MAML3: variants seen among roughly 807,000 people sequenced by gnomAD.
MAML3 encodes mastermind-like protein 3.
A neutral mutation model predicts 101.9 loss-of-function variants in MAML3; 27 were observed. The observed-to-expected ratio is 0.27, with a 90% CI of 0.20 to 0.37. MAML3 has a LOEUF of 0.37. Among genes scored for constraint, MAML3 ranks in the 10% least tolerant of loss-of-function variants. The pLI is 1.00. For synonymous variants in MAML3, 501 were observed against 555.9 expected (o/e 0.90, Z 1.39); for missense variants, 1,316 against 1,444.9 (o/e 0.91, Z 1.45).
chr4:140,132,079 C>A (rs894915289), intron 1 of MAML3, among the ~76,000 whole-genome samples: 1 of 152,228 alleles, frequency 6.6e-6, no homozygotes, highest in Non-Finnish European at 1.5e-5. Flanking sequence ...GGAGCCTACA[C>A]CCATGCAATC....
At position 140,036,190 on chromosome 4, in the gene MAML3, T is replaced by C. The variant is rs1383802937; in HGVS notation, c.468+116670A>G. Among the ~76,000 whole-genome samples the C allele has an allele frequency of 2.6e-5, 4 of 152,186 alleles. No individual in the cohort carries two copies. In the East Asian group the frequency reaches 7.7e-4, roughly 29 times the overall value. Reference sequence around the variant, plus strand: ...ACAAGTGTGTGTGATTTCTAATACATGTGAGGCCCATTCTGACGCAGTATG... The same window carrying C: ...ACAAGTGTGTGTGATTTCTAATACACGTGAGGCCCATTCTGACGCAGTATG... On this transcript the variant is annotated intron_variant, in intron 1 of 4. Coordinates refer to ENST00000509479, the MANE Select transcript of MAML3 (RefSeq NM_018717.5).
intron 2 of MAML3, among the ~76,000 whole-genome samples, chr4:139,835,706 T>C (rs1731244878): frequency 6.6e-6 from 1 of 152,192 alleles, no homozygotes; most frequent in African/African-American, 2.4e-5. Flanking sequence ...GGTGAGGTCT[T>C]TGACTTGAGA....
At chr4:140,143,462 G>A (rs1729007836) in intron 1 of MAML3, among the ~76,000 whole-genome samples, 1 of 152,124 alleles carries the variant, frequency 6.6e-6, no homozygotes, top group Admixed American at 6.6e-5. Flanking sequence ...GACTCTGTGA[G>A]GTGAAAAGAA....
intron 1 of MAML3, among the ~76,000 whole-genome samples, chr4:140,104,370 ATATATAATATATATATATTATATAT>A (rs1168415888): frequency 6.2e-4 from 14 of 22,558 alleles, no homozygotes; most frequent in Admixed American, 3.9e-3. Flanking sequence ...TTTTATATAT[ATATATAATATATATATATTATATAT>A]TATATAATAT....
At chr4:139,827,573 T>C (rs1731084045) in intron 2 of MAML3, among the ~76,000 whole-genome samples, 2 of 152,334 alleles carry the variant, frequency 1.3e-5, no homozygotes, top group South Asian at 4.1e-4. Context: ...AGAAGAAATA[T>C]GCCCAGAGTC....
chr4:139,720,284 G>A lies in MAML3; in HGVS notation c.2456C>T (p.Ala819Val). ...QDIAAVRSQA[A>V]LQSMRTSRLM... ...CCGTGACGTTCGCATGCTCTGGAGG[G>A]CTGCTTGGCTTCTTACGGCTGCTAT... is the stretch of plus-strand genomic sequence containing the variant. Residue 819 changes from alanine to valine, a missense_variant, in exon 5 of 5, where the codon GCC (alanine) becomes GTC (valine). By Grantham distance (64) the Ala-to-Val change is moderately conservative (BLOSUM62 0). Coordinates refer to ENST00000509479, the MANE Select transcript of MAML3 (RefSeq NM_018717.5). 1.3e-6 allele frequency: 2 copies of A among 1,564,338 alleles called. No homozygotes were observed. The highest frequency in any genetic ancestry group is 1.7e-6 in the Non-Finnish European group (2 of 1,152,760).
intron 1 of MAML3, among the ~76,000 whole-genome samples, chr4:140,085,460 T>C (rs1221184978): frequency 1.3e-5 from 2 of 152,132 alleles, no homozygotes; most frequent in African/African-American, 4.8e-5. Context: ...TGTGCACATG[T>C]ACAGAAGCTA....
intron 2 of MAML3, among the ~76,000 whole-genome samples, chr4:139,819,116 C>T (rs1359222249): frequency 6.6e-6 from 1 of 152,054 alleles, no homozygotes; most frequent in Admixed American, 6.5e-5. Context: ...AGGTATAAAA[C>T]CTACAGGTAT....
At position 140,008,352 on chromosome 4, in the gene MAML3, A is replaced by T. The variant is rs190393833; in HGVS notation, c.469-117385T>A. Reference sequence around the variant, plus strand: ...AGAAGAGCGAAACTCAGTCTCAATTAAAAAAAAAAAGAATCTTTAAAAGTG... The same window carrying T: ...AGAAGAGCGAAACTCAGTCTCAATTTAAAAAAAAAAGAATCTTTAAAAGTG... On this transcript the variant is annotated intron_variant, in intron 1 of 4. Coordinates refer to ENST00000509479, the MANE Select transcript of MAML3 (RefSeq NM_018717.5). 3.0e-3 allele frequency among the ~76,000 whole-genome samples: 439 copies of T among 144,878 alleles called. 2 individuals carry two copies. The highest frequency in any genetic ancestry group is 0.011 in the African/African-American group (416 of 39,438).
At chr4:139,794,771 G>A (rs1359688265) in intron 2 of MAML3, among the ~76,000 whole-genome samples, 1 of 152,228 alleles carries the variant, frequency 6.6e-6, no homozygotes, top group East Asian at 1.9e-4. Context: ...ATCTGGTTTT[G>A]ATTTTTGCAG....
At chr4:140,118,402 T>A (rs1165692736) in intron 1 of MAML3, among the ~76,000 whole-genome samples, 2 of 152,140 alleles carry the variant, frequency 1.3e-5, no homozygotes, top group Non-Finnish European at 2.9e-5. Flanking sequence ...TAGTACAGTG[T>A]AGTACATAGT....
chr4:139,823,212 G>C (rs79148935), intron 2 of MAML3, among the ~76,000 whole-genome samples: 1 of 152,280 alleles, frequency 6.6e-6, no homozygotes, highest in African/African-American at 2.4e-5. Context: ...CCACTGTCAG[G>C]AATAGATAAG....
intron 4 of MAML3, among the ~76,000 whole-genome samples, chr4:139,721,942 T>C (rs1005954748): frequency 2.0e-5 from 3 of 152,098 alleles, no homozygotes. Flanking sequence ...GTGAAATGGG[T>C]TATTGAGTTG....
intron 1 of MAML3, among the ~76,000 whole-genome samples, chr4:140,074,152 A>AAGAGAGAAAGGAAAGAAAGAAAGAGAG (rs1727715136): frequency 7.4e-6 from 1 of 135,894 alleles, no homozygotes; most frequent in Non-Finnish European, 1.6e-5. Flanking sequence ...GAAAGAAAGA[A>AAGAGAGAAAGGAAAGAAAGAAAGAGAG]AGAGAGAGAG....
chr4:139,863,786 T>C (rs1291564501), intron 2 of MAML3, among the ~76,000 whole-genome samples: 1 of 151,706 alleles, frequency 6.6e-6, no homozygotes, highest in Non-Finnish European at 1.5e-5. Context: ...TGTGTTTACT[T>C]CCTAATTTCT....
At chr4:139,840,426 C>T (rs17050925) in intron 2 of MAML3, among the ~76,000 whole-genome samples, 16 of 152,160 alleles carry the variant, frequency 1.1e-4, no homozygotes, top group African/African-American at 3.9e-4. Flanking sequence ...TCTTACTTCA[C>T]ATGATGGGCT....
chr4:139,834,505 G>C (rs1731224861), intron 2 of MAML3, among the ~76,000 whole-genome samples: 1 of 152,222 alleles, frequency 6.6e-6, no homozygotes, highest in Non-Finnish European at 1.5e-5. Context: ...GCTTCTTGAA[G>C]GTGCGTTGCA....
At chr4:139,778,750 C>A (rs1410764540) in intron 2 of MAML3, among the ~76,000 whole-genome samples, 1 of 151,918 alleles carries the variant, frequency 6.6e-6, no homozygotes, top group Non-Finnish European at 1.5e-5. Flanking sequence ...TTTGGGAGGC[C>A]GAGGTGGGTG....
intron 2 of MAML3, among the ~76,000 whole-genome samples, chr4:139,734,963 C>G (rs564927856): frequency 3.0e-4 from 45 of 152,352 alleles, no homozygotes; most frequent in African/African-American, 1.0e-3. Context: ...TGCCGTTCTT[C>G]CCGCGCCCCA....
Sources: gnomAD v4.1 joint callset for allele counts (sites outside exome capture counted in the v4.1 genomes callset) on GRCh38, gnomAD v4.1.1 for gene constraint, MANE v1.5 for transcripts, NCBI Gene and HGNC (gene_info 2026-07-23, HGNC 2026-07-21) for gene names.